Variants in TIAM1 observed in about 807,000 individuals in gnomAD.
The protein encoded by TIAM1 is TIAM Rac1 associated GEF 1, also known as rho guanine nucleotide exchange factor TIAM1.
TIAM1 carries 65 observed loss-of-function variants against 163.5 expected under a neutral mutation model. That is an observed-to-expected ratio of 0.40 (90% CI 0.33 to 0.49). TIAM1 has a LOEUF of 0.49. Among genes scored for constraint, TIAM1 ranks in the 20% least tolerant of loss-of-function variants. TIAM1 has a pLI of 0.77. For missense variants in TIAM1, 1,789 were observed against 2,044.7 expected (o/e 0.87, Z 2.41); for synonymous variants, 833 against 810.1 (o/e 1.03, Z -0.48).
intron 1 of TIAM1, among the ~76,000 whole-genome samples, chr21:31,542,917 G>A (rs1162556967): frequency 1.3e-5 from 2 of 152,064 alleles, no homozygotes; most frequent in African/African-American, 2.4e-5. Context: ...GCAGTGAGCC[G>A]AGACTGCGCC....
intron 1 of TIAM1, among the ~76,000 whole-genome samples, chr21:31,478,458 C>A (rs888084944): frequency 2.0e-5 from 3 of 152,186 alleles, no homozygotes; most frequent in Admixed American, 6.5e-5. Context: ...AATTTGTTTG[C>A]CTACTTTTCA....
chr21:31,185,459 T>A (rs1214687568), intron 14 of TIAM1, among the ~76,000 whole-genome samples: 1 of 145,200 alleles, frequency 6.9e-6, no homozygotes, highest in Non-Finnish European at 1.5e-5. Flanking sequence ...ACGATTATTA[T>A]ATAATGTATT....
chr21:31,266,367 G>A lies in TIAM1; in HGVS notation c.606C>T (p.Ser202=), dbSNP rs1304656057. ...HLTSNEEILG[S]AEEKDCEEAR... is the part of the protein sequence containing the mutation. Reference sequence around the variant, plus strand: ...CCTCCTCGCAGTCCTTCTCTTCGGCGGAACCCAAGATTTCTTCGTTGCTTG... The same window carrying A: ...CCTCCTCGCAGTCCTTCTCTTCGGCAGAACCCAAGATTTCTTCGTTGCTTG... The change falls in exon 4 of 28, where the codon TCC becomes TCT. Residue 202 remains serine (S), a synonymous_variant. Coordinates refer to ENST00000541036, the MANE Select transcript of TIAM1 (RefSeq NM_001353694.2). 4.3e-6 allele frequency: 7 copies of A among 1,614,058 alleles called. No individual in the cohort carries two copies. The highest frequency in any genetic ancestry group is 1.6e-4 in the Middle Eastern group (1 of 6,084).
intron 2 of TIAM1, among the ~76,000 whole-genome samples, chr21:31,420,466 T>G (rs2043527161): frequency 6.6e-6 from 1 of 152,174 alleles, no homozygotes; most frequent in African/African-American, 2.4e-5. Context: ...TGTGAAAAAC[T>G]TTTCCAGTAT....
chr21:31,120,925 A>G lies in TIAM1; in HGVS notation c.4307-88T>C. 1 of 1,321,844 alleles carries G rather than the reference A, an allele frequency of 7.6e-7. No individual in the cohort carries two copies. The highest frequency in any genetic ancestry group is 1.0e-6 in the Non-Finnish European group (1 of 987,288). The allele number at this position is 1,321,844 out of a possible 1,614,324, so 81.9% of individuals were successfully genotyped here. ...CAGAAAGCAAAGGACAGGAGAAAATAAAAACCAAAACGGTATGCATTGAAT... is the reference window on the plus strand; with the variant it reads ...CAGAAAGCAAAGGACAGGAGAAAATGAAAACCAAAACGGTATGCATTGAAT... On this transcript the variant is annotated intron_variant, in intron 27 of 27. Coordinates refer to ENST00000541036, the MANE Select transcript of TIAM1 (RefSeq NM_001353694.2). This position sits in a 1 kb window ranked among gnomAD's most constrained non-coding sequence, Gnocchi z 4.2.
intron 8 of TIAM1, among the ~76,000 whole-genome samples, chr21:31,219,599 G>A (rs532402209): frequency 1.4e-4 from 22 of 152,302 alleles, no homozygotes; most frequent in African/African-American, 4.1e-4. Flanking sequence ...GGACCCCTAC[G>A]TACATTAAAA....
At chr21:31,243,026 G>GAA (rs921237883) in intron 6 of TIAM1, among the ~76,000 whole-genome samples, 1 of 148,212 alleles carries the variant, frequency 6.7e-6, no homozygotes, top group Non-Finnish European at 1.5e-5. Flanking sequence ...ACCTCTACTA[G>GAA]AAAAAAAAAT....
chr21:31,479,411 G>A (rs56699672), intron 1 of TIAM1, among the ~76,000 whole-genome samples: 4,923 of 151,010 alleles, frequency 0.033, 267 homozygotes, highest in African/African-American at 0.11. Context: ...ACGGAGGGGC[G>A]GGCGGATGGA....
intron 1 of TIAM1, among the ~76,000 whole-genome samples, chr21:31,511,210 T>G (rs1485830742): frequency 6.6e-6 from 1 of 152,210 alleles, no homozygotes; most frequent in Non-Finnish European, 1.5e-5. Flanking sequence ...TGGTGGCACT[T>G]TGTTAGGGCA....
chr21:31,131,512 T>C (rs762612612), intron 23 of TIAM1, among the ~76,000 whole-genome samples: 2 of 152,162 alleles, frequency 1.3e-5, no homozygotes, highest in Non-Finnish European at 1.5e-5. Flanking sequence ...AAACATGTAG[T>C]TTCATTCTTA....
chr21:31,293,159 G>C (rs182642257), intron 2 of TIAM1, among the ~76,000 whole-genome samples: 1 of 148,500 alleles, frequency 6.7e-6, no homozygotes, highest in Non-Finnish European at 1.5e-5. Context: ...ATGCATTTGC[G>C]GGGGCTGCCA....
intron 11 of TIAM1, among the ~76,000 whole-genome samples, chr21:31,204,316 A>C (rs2086347238): frequency 1.3e-5 from 2 of 152,206 alleles, no homozygotes; most frequent in Non-Finnish European, 2.9e-5. Flanking sequence ...GTAAATCGAT[A>C]AAACTTAATT....
intron 2 of TIAM1, among the ~76,000 whole-genome samples, chr21:31,329,308 G>A (rs1048530120): frequency 6.6e-6 from 1 of 152,208 alleles, no homozygotes; most frequent in Non-Finnish European, 1.5e-5. Flanking sequence ...CACAGATGCT[G>A]ACTTCAAAAG....
intron 8 of TIAM1, among the ~76,000 whole-genome samples, chr21:31,219,990 C>A (rs2087467040): frequency 6.6e-6 from 1 of 152,146 alleles, no homozygotes; most frequent in African/African-American, 2.4e-5. Context: ...TGCATATGCT[C>A]ACATGACTAT....
intron 1 of TIAM1, among the ~76,000 whole-genome samples, chr21:31,536,526 A>T (rs1337036174): frequency 6.6e-6 from 1 of 152,240 alleles, no homozygotes; most frequent in Non-Finnish European, 1.5e-5. Context: ...CTCTCACCCG[A>T]TACTCTTCAA....
intron 1 of TIAM1, among the ~76,000 whole-genome samples, chr21:31,522,117 C>A (rs951161231): frequency 6.6e-6 from 1 of 151,788 alleles, no homozygotes; most frequent in Non-Finnish European, 1.5e-5. Flanking sequence ...GTGATCCGCC[C>A]GCCTCGGCCT....
chr21:31,498,001 A>C (rs1283328513), intron 1 of TIAM1, among the ~76,000 whole-genome samples: 1 of 152,226 alleles, frequency 6.6e-6, no homozygotes, highest in Non-Finnish European at 1.5e-5. Context: ...TGGTTCTGTG[A>C]CTGAATCATG....
rs148731574 is a variant in TIAM1, at chr21:31,225,817, T to C, written c.1718A>G (p.Lys573Arg). The C allele has an allele frequency of 6.6e-5, 106 of 1,614,236 alleles. No homozygotes were observed. The African/African-American group carries it at 1.2e-3, about 19-fold the overall frequency. Residue 573 changes from lysine to arginine, a missense_variant, in exon 7 of 28, where the codon AAG becomes AGG. Around this residue, in one of 5 missense-constraint regions of TIAM1, gnomAD observed 456 missense variants for 586.6 expected, o/e 0.78. Transcript: ENST00000541036. ...LKSEIKKLEQ[K>R]IDMDEKMKKM... ...CTTCATCTTTTCATCCATGTCAATC[T>C]TCTGTTCCAGTTTTTTGATCTCTGA... is the stretch of plus-strand genomic sequence containing the variant.
chr21:31,230,205 T>C (rs1222030926), intron 6 of TIAM1, among the ~76,000 whole-genome samples: 1 of 152,116 alleles, frequency 6.6e-6, no homozygotes, highest in Admixed American at 6.5e-5. Flanking sequence ...ACATAATACC[T>C]GAGTAATGGA....
Sources: allele counts gnomAD v4.1 joint callset (sites outside exome capture counted in the v4.1 genomes callset), GRCh38; gene constraint gnomAD v4.1.1; regional missense constraint gnomAD v4.1.1; non-coding constraint Gnocchi (gnomAD v3.1); transcripts MANE v1.5; gene names NCBI Gene and HGNC (gene_info 2026-07-23, HGNC 2026-07-21).